Variants in RAB33A observed in about 807,000 individuals in gnomAD.
RAB33A encodes the protein ras-related protein Rab-33A.
Under a neutral mutation model 12.0 loss-of-function variants are expected in RAB33A, and 6 were observed. The ratio of observed to expected loss-of-function variants is 0.50; its 90% CI spans 0.27 to 0.99. RAB33A has a LOEUF of 0.99. RAB33A is among the 50% of genes least tolerant of loss of function. RAB33A has a pLI of 0.11. For synonymous variants in RAB33A, 70 were observed against 82.4 expected, an observed-to-expected ratio of 0.85 and a Z score of 0.81; for missense variants, 109 against 192.0, an observed-to-expected ratio of 0.57 and a Z score of 2.55.
chrX:130,132,154 G>A, the RAB33A span, among the ~76,000 whole-genome samples: 2 of 111,792 alleles, frequency 1.8e-5, no homozygotes, highest in African/African-American at 6.5e-5. Flanking sequence ...TTACAGATGT[G>A]AGCCACCGCA....
At chrX:130,183,461 A>G (rs893541525) in intron 1 of RAB33A, among the ~76,000 whole-genome samples, 1 of 109,085 alleles carries the variant, frequency 9.2e-6, no homozygotes, top group African/African-American at 3.3e-5. Flanking sequence ...AGGCTGAGGC[A>G]GGAGAATGGC....
At chrX:130,170,288 T>C (rs1836209769), upstream of RAB33A, among the ~76,000 whole-genome samples, 1 of 112,469 alleles carries the variant, frequency 8.9e-6, no homozygotes. Context: ...CTGAATTGTT[T>C]TTCTCTCAGC....
At chrX:130,163,291 C>T in the RAB33A span, among the ~76,000 whole-genome samples, 45 of 84,556 alleles carry the variant, frequency 5.3e-4, no homozygotes, top group African/African-American at 2.2e-3. Context: ...GGAAACTGAG[C>T]GAGACTCCGC....
the RAB33A span, chrX:130,130,174 C>T: frequency 1.7e-6 from 2 of 1,211,398 alleles, no homozygotes; most frequent in South Asian, 1.8e-5. Context: ...TTCCTGTGGC[C>T]AGCCCCCAAA....
At chrX:130,161,093 C>T in the RAB33A span, among the ~76,000 whole-genome samples, 5 of 111,066 alleles carry the variant, frequency 4.5e-5, no homozygotes, top group African/African-American at 3.3e-5. Flanking sequence ...TTTCCATACT[C>T]CCAAAAGGCG....
At position 130,172,185 on chromosome X, in the gene RAB33A, G is replaced by A. The variant is rs902471356; in HGVS notation, c.123G>A (p.Val41=). The A allele has an allele frequency of 2.5e-6, 3 of 1,212,341 alleles. No homozygotes were observed. The Admixed American group carries it at 6.5e-5, about 26-fold the overall frequency. The change falls in exon 1 of 2, where the codon GTG becomes GTA. Residue 41 remains valine (V), a synonymous_variant. Coordinates refer to ENST00000257017, the MANE Select transcript of RAB33A (RefSeq NM_004794.3). The stretch of plus-strand genomic sequence containing the variant: ...AGATTCGCATCTTCAAAATAATCGT[G>A]ATTGGGGACTCCAACGTGGGCAAGA... ...YVQIRIFKII[V]IGDSNVGKTC... is the part of the protein sequence containing the mutation.
chrX:130,166,604 C>G, the RAB33A span, among the ~76,000 whole-genome samples: 1 of 112,494 alleles, frequency 8.9e-6, no homozygotes, highest in African/African-American at 3.2e-5. Context: ...TGGCTGCATG[C>G]AGAACATACA....
chrX:130,164,906 T>C, the RAB33A span, among the ~76,000 whole-genome samples: 3 of 110,869 alleles, frequency 2.7e-5, no homozygotes, highest in African/African-American at 6.6e-5. Context: ...GCTCTAAAAT[T>C]TGATGAAACA....
the RAB33A span, among the ~76,000 whole-genome samples, chrX:130,157,663 T>C: frequency 4.5e-5 from 5 of 112,180 alleles, no homozygotes; most frequent in Non-Finnish European, 9.4e-5. Context: ...TTCTTTTTTT[T>C]TTCAGCCGTT....
chrX:130,130,158 T>C, the RAB33A span: 23 of 1,211,916 alleles, frequency 1.9e-5, no homozygotes, highest in Middle Eastern at 2.3e-4. Flanking sequence ...TCTGATCGGA[T>C]ACCAGTTCCT....
chrX:130,140,330 C>T, the RAB33A span, among the ~76,000 whole-genome samples: 2 of 112,187 alleles, frequency 1.8e-5, no homozygotes, highest in Non-Finnish European at 3.8e-5. Context: ...ATGCCTCTAC[C>T]GGGAGAACAG....
At chrX:130,161,532 A>T in the RAB33A span, among the ~76,000 whole-genome samples, 1 of 102,004 alleles carries the variant, frequency 9.8e-6, no homozygotes, top group Non-Finnish European at 2.0e-5. Context: ...AAAAAAAAAA[A>T]CACAGGACAA....
chrX:130,160,494 G>A, the RAB33A span, among the ~76,000 whole-genome samples: 8 of 112,318 alleles, frequency 7.1e-5, no homozygotes, highest in Non-Finnish European at 7.5e-5. Flanking sequence ...ACACACAGAT[G>A]TTTGCTCAAT....
At chrX:130,154,402 C>A in the RAB33A span, among the ~76,000 whole-genome samples, 1 of 112,088 alleles carries the variant, frequency 8.9e-6, no homozygotes, top group African/African-American at 3.2e-5. Flanking sequence ...GGCTTTAAAT[C>A]TATTTTTGAA....
the RAB33A span, among the ~76,000 whole-genome samples, chrX:130,139,258 G>C: frequency 9.1e-6 from 1 of 110,227 alleles, no homozygotes; most frequent in East Asian, 2.8e-4. Context: ...CTTGAACCCG[G>C]GAGGCGGAGG....
At chrX:130,146,830 C>A in the RAB33A span, among the ~76,000 whole-genome samples, 2 of 111,959 alleles carry the variant, frequency 1.8e-5, no homozygotes, top group Admixed American at 1.9e-4. Flanking sequence ...TAAAAAGTTT[C>A]TTTTCTTCTG....
the RAB33A span, among the ~76,000 whole-genome samples, chrX:130,119,616 C>T: frequency 9.0e-6 from 1 of 111,675 alleles, no homozygotes; most frequent in Non-Finnish European, 1.9e-5. Context: ...AAGGAGGGGG[C>T]TTCCAGGAAT....
upstream of RAB33A, among the ~76,000 whole-genome samples, chrX:130,167,915 T>C (rs905733417): frequency 9.1e-6 from 1 of 109,346 alleles, no homozygotes; most frequent in Non-Finnish European, 1.9e-5. Context: ...CAGTGGCTCA[T>C]GCCTGTAATG....
chrX:130,155,005 ACT>A, the RAB33A span: 8 of 691,297 alleles, frequency 1.2e-5, no homozygotes, highest in East Asian at 6.8e-5. Flanking sequence ...AGATTTGAGG[ACT>A]CTCTAGTGAC....
Sources: allele counts gnomAD v4.1 joint callset (sites outside exome capture counted in the v4.1 genomes callset), GRCh38; gene constraint gnomAD v4.1.1; transcripts MANE v1.5; gene names NCBI Gene and HGNC (gene_info 2026-07-23, HGNC 2026-07-21).